GRID2: variants seen among roughly 807,000 people sequenced by gnomAD.
The protein encoded by GRID2 is glutamate receptor ionotropic, delta-2.
Under a neutral mutation model 114.8 loss-of-function variants are expected in GRID2, and 33 were observed. That is an observed-to-expected ratio of 0.29 (90% confidence interval 0.22 to 0.38). GRID2 has a LOEUF of 0.38. GRID2 is among the 10% of genes least tolerant of loss of function. GRID2 has a pLI of 1.00. For synonymous variants in GRID2, 505 were observed against 449.9 expected, an observed-to-expected ratio of 1.12 and a Z score of -1.55; for missense variants, 1,184 against 1,257.7, an observed-to-expected ratio of 0.94 and a Z score of 0.89.
intron 2 of GRID2, among the ~76,000 whole-genome samples, chr4:92,716,806 A>G (rs1441885423): frequency 2.6e-5 from 4 of 152,146 alleles, no homozygotes; most frequent in Non-Finnish European, 5.9e-5. Context: ...ATTCACTTAA[A>G]TGTTTAAAAT....
At chr4:93,653,403 G>C (rs1722755603) in intron 14 of GRID2, among the ~76,000 whole-genome samples, 1 of 152,064 alleles carries the variant, frequency 6.6e-6, no homozygotes, top group Non-Finnish European at 1.5e-5. Flanking sequence ...TTTTACTCTT[G>C]AACTCTGAAA....
intron 7 of GRID2, among the ~76,000 whole-genome samples, chr4:93,237,488 A>G (rs896683248): frequency 3.9e-5 from 6 of 151,942 alleles, no homozygotes; most frequent in African/African-American, 1.4e-4. Flanking sequence ...TTAAATATCA[A>G]CATCTTAGAG....
At chr4:92,793,430 A>C (rs1391296677) in intron 2 of GRID2, among the ~76,000 whole-genome samples, 1 of 151,760 alleles carries the variant, frequency 6.6e-6, no homozygotes, top group African/African-American at 2.4e-5. Context: ...ATCAGGAAAA[A>C]TAACTAATGG....
At chr4:92,882,315 A>G (rs1017983708) in intron 2 of GRID2, among the ~76,000 whole-genome samples, 3 of 152,190 alleles carry the variant, frequency 2.0e-5, no homozygotes, top group African/African-American at 7.2e-5. Flanking sequence ...GGTGTGGTTT[A>G]CACATATTTG....
chr4:92,739,913 G>A (rs1487858157), intron 2 of GRID2, among the ~76,000 whole-genome samples: 2 of 151,998 alleles, frequency 1.3e-5, no homozygotes, highest in Non-Finnish European at 2.9e-5. Context: ...ATCCAATTAA[G>A]TATAAAATTA....
intron 2 of GRID2, among the ~76,000 whole-genome samples, chr4:92,941,722 C>G (rs1751149630): frequency 6.6e-6 from 1 of 152,134 alleles, no homozygotes; most frequent in South Asian, 2.1e-4. Context: ...GCAAATTTCC[C>G]TCTACACACT....
chr4:92,912,778 C>T (rs938395842), intron 2 of GRID2, among the ~76,000 whole-genome samples: 1 of 151,720 alleles, frequency 6.6e-6, no homozygotes, highest in African/African-American at 2.4e-5. Flanking sequence ...ACTATGATTT[C>T]TTAAAGTTTG....
At chr4:92,615,884 G>A (rs1195091842) in intron 2 of GRID2, among the ~76,000 whole-genome samples, 2 of 150,234 alleles carry the variant, frequency 1.3e-5, no homozygotes, top group South Asian at 2.1e-4. Context: ...AATATTGCTC[G>A]AATAACTTCT....
chr4:92,990,301 ATATATG>A lies in GRID2; in HGVS notation c.245-94692_245-94687del, dbSNP rs773369911. Among the ~76,000 whole-genome samples, 426 of 138,248 alleles carry A rather than the reference ATATATG, an allele frequency of 3.1e-3. 9 individuals are homozygous for A. Among genetic ancestry groups the A allele is most frequent in the African/African-American group, 4.0e-3 (142 of 35,250 alleles). The allele number at this position is 138,248 out of a possible 152,430, so 90.7% of individuals were successfully genotyped here. Reference sequence around the variant, plus strand: ...GATATGTGTGTGTATATATATATATATATATGTGTGTGTGTGTGTGTGTGTGTATAA... The same window carrying A: ...GATATGTGTGTGTATATATATATATATGTGTGTGTGTGTGTGTGTGTATAA... On this transcript the variant is annotated intron_variant, in intron 2 of 15. Transcript: ENST00000282020.
chr4:92,967,226 T>C (rs1753211641), intron 2 of GRID2, among the ~76,000 whole-genome samples: 1 of 151,986 alleles, frequency 6.6e-6, no homozygotes, highest in Non-Finnish European at 1.5e-5. Context: ...TTGAGCAAAC[T>C]AATTAAGCAT....
At chr4:93,038,082 A>G (rs7670430) in intron 2 of GRID2, among the ~76,000 whole-genome samples, 2 of 151,904 alleles carry the variant, frequency 1.3e-5, no homozygotes, top group Non-Finnish European at 2.9e-5. Context: ...GATTTTTCCT[A>G]TCCATGAGCA....
intron 9 of GRID2, among the ~76,000 whole-genome samples, chr4:93,399,410 C>G (rs1398660973): frequency 6.6e-6 from 1 of 152,072 alleles, no homozygotes; most frequent in East Asian, 1.9e-4. Context: ...TTAAACTACA[C>G]AATTCAGCAC....
At chr4:93,327,115 C>G (rs1757919304) in intron 8 of GRID2, among the ~76,000 whole-genome samples, 1 of 152,008 alleles carries the variant, frequency 6.6e-6, no homozygotes, top group Admixed American at 6.6e-5. Flanking sequence ...TATTTATATT[C>G]TTTTCCTAAA....
chr4:92,880,415 T>G (rs1745924244), intron 2 of GRID2, among the ~76,000 whole-genome samples: 1 of 152,180 alleles, frequency 6.6e-6, no homozygotes, highest in South Asian at 2.1e-4. Flanking sequence ...CAAATTTTTT[T>G]CCACCTTCTG....
At chr4:92,940,697 T>G (rs917838214) in intron 2 of GRID2, among the ~76,000 whole-genome samples, 2 of 152,150 alleles carry the variant, frequency 1.3e-5, no homozygotes, top group Non-Finnish European at 1.5e-5. Context: ...TGATATTGGC[T>G]GTGGGTTTGT....
chr4:93,549,125 C>T (rs1258863804), intron 13 of GRID2, among the ~76,000 whole-genome samples: 1 of 152,058 alleles, frequency 6.6e-6, no homozygotes, highest in East Asian at 1.9e-4. Flanking sequence ...TTTTTTCTCT[C>T]TCGATCAAAT....
intron 2 of GRID2, among the ~76,000 whole-genome samples, chr4:92,853,016 G>T (rs1159869981): frequency 1.3e-5 from 2 of 151,740 alleles, no homozygotes; most frequent in Admixed American, 1.3e-4. Context: ...TAATGTGCTT[G>T]GTCTGCTCTG....
intron 2 of GRID2, among the ~76,000 whole-genome samples, chr4:92,982,673 C>T (rs531012792): frequency 6.6e-6 from 1 of 152,086 alleles, no homozygotes; most frequent in Admixed American, 6.6e-5. Context: ...TGATTCCCCA[C>T]ATTGCCTCCA....
At chr4:93,069,225 A>G (rs1159338559) in intron 2 of GRID2, among the ~76,000 whole-genome samples, 2 of 151,284 alleles carry the variant, frequency 1.3e-5, no homozygotes, top group Non-Finnish European at 2.9e-5. Context: ...ATATCAATCC[A>G]TGTAATATTA....
Sources: allele counts gnomAD v4.1 joint callset (sites outside exome capture counted in the v4.1 genomes callset), GRCh38; gene constraint gnomAD v4.1.1; transcripts MANE v1.5; gene names NCBI Gene and HGNC (gene_info 2026-07-23, HGNC 2026-07-21).